The following ZNF423 variants were observed in gnomAD, a reference collection of about 807,000 sequenced individuals.
The protein encoded by ZNF423 is Ebf-associated zinc finger protein.
A neutral mutation model predicts 95.8 loss-of-function variants in ZNF423; 12 were observed. The observed-to-expected ratio is 0.13, with a 90% CI of 0.08 to 0.20. The LOEUF (loss-of-function observed/expected upper bound fraction) is 0.20, where lower values mean the gene tolerates loss of function less well. ZNF423 is among the 10% of genes least tolerant of loss of function. The pLI, the probability that ZNF423 is intolerant of heterozygous loss-of-function variation, is 1.00. For synonymous variants in ZNF423, 749 were observed against 711.9 expected, an observed-to-expected ratio of 1.05 and a Z score of -0.83; for missense variants, 1,316 against 1,737.1, an observed-to-expected ratio of 0.76 and a Z score of 4.31.
chr16:49,499,731 C>G lies in ZNF423; in HGVS notation c.3850-8427G>C, dbSNP rs115824649. ...CAATCAGTTCCATGAGCAGGAAACTCTTCCCTCGCATGAAAACGTGGGAGA... is the reference window on the plus strand; with the variant it reads ...CAATCAGTTCCATGAGCAGGAAACTGTTCCCTCGCATGAAAACGTGGGAGA... On this transcript the variant is annotated intron_variant, in intron 7 of 7. Transcript: ENST00000563137. Among the ~76,000 whole-genome samples, 810 of 152,298 alleles carry G rather than the reference C, an allele frequency of 5.3e-3. 9 individuals are homozygous for G. Among genetic ancestry groups the G allele is most frequent in the African/African-American group, 0.019 (777 of 41,554 alleles).
chr16:49,560,823 G>A (rs914604379), intron 5 of ZNF423, among the ~76,000 whole-genome samples: 1 of 152,222 alleles, frequency 6.6e-6, no homozygotes, highest in African/African-American at 2.4e-5. Context: ...GCTAATGCAA[G>A]GGAAGCCAAG....
At chr16:49,815,769 C>A (rs2034826403) in intron 1 of ZNF423, among the ~76,000 whole-genome samples, 1 of 150,644 alleles carries the variant, frequency 6.6e-6, no homozygotes, top group Non-Finnish European at 1.5e-5. Flanking sequence ...CCTCACTGTA[C>A]AGGAACTTGA....
intron 1 of ZNF423, among the ~76,000 whole-genome samples, chr16:49,813,686 C>T (rs1451159133): frequency 1.3e-5 from 2 of 152,238 alleles, no homozygotes; most frequent in East Asian, 1.9e-4. Context: ...ACTGTTGGCT[C>T]CCCCTTGGCC....
At chr16:49,520,558 G>C (rs1314062631) in intron 7 of ZNF423, among the ~76,000 whole-genome samples, 1 of 152,184 alleles carries the variant, frequency 6.6e-6, no homozygotes, top group Admixed American at 6.5e-5. Flanking sequence ...ATCTTCTCAA[G>C]ACCTCTCAGC....
intron 5 of ZNF423, among the ~76,000 whole-genome samples, chr16:49,548,353 TG>T (rs1468448822): frequency 2.0e-5 from 3 of 152,216 alleles, no homozygotes; most frequent in African/African-American, 7.2e-5. Flanking sequence ...AAACGTTTGC[TG>T]CAATTTGTAT....
chr16:49,721,266 G>A (rs16947890), intron 3 of ZNF423, among the ~76,000 whole-genome samples: 2,330 of 152,280 alleles, frequency 0.015, 64 homozygotes, highest in African/African-American at 0.053. Flanking sequence ...GCAGCCAAAA[G>A]GATCACAGCA....
At chr16:49,723,207 G>A (rs1206344430) in intron 3 of ZNF423, among the ~76,000 whole-genome samples, 7 of 151,980 alleles carry the variant, frequency 4.6e-5, no homozygotes, top group Non-Finnish European at 8.8e-5. Context: ...CGCCTGCCTC[G>A]GCCTCCCAAT....
intron 1 of ZNF423, among the ~76,000 whole-genome samples, chr16:49,813,553 C>T (rs184488731): frequency 6.6e-6 from 1 of 152,312 alleles, no homozygotes; most frequent in Non-Finnish European, 1.5e-5. Flanking sequence ...AGCAGAGCCA[C>T]GCAGGAGACA....
chr16:49,822,102 C>G (rs1434709676), intron 1 of ZNF423, among the ~76,000 whole-genome samples: 1 of 152,120 alleles, frequency 6.6e-6, no homozygotes, highest in African/African-American at 2.4e-5. Context: ...GGCAGGATCT[C>G]CTGATACAGG....
chr16:49,562,860 C>G (rs1044718153), intron 5 of ZNF423, among the ~76,000 whole-genome samples: 2 of 152,056 alleles, frequency 1.3e-5, no homozygotes, highest in Non-Finnish European at 2.9e-5. Flanking sequence ...CTCACTGCAA[C>G]CTCCACCTCC....
chr16:49,759,462 C>T lies in ZNF423; in HGVS notation c.101-28491G>A, dbSNP rs551272845. 1.5e-4 allele frequency among the ~76,000 whole-genome samples: 23 copies of T among 152,248 alleles called. No individual in the cohort carries two copies. The East Asian group carries it at 2.9e-3, about 19-fold the overall frequency. ...AGGTGCAATGCAACCCAAGAGCCAGCGAATGGCTGCAGGGTGACATCTAGC... is the reference window on the plus strand; with the variant it reads ...AGGTGCAATGCAACCCAAGAGCCAGTGAATGGCTGCAGGGTGACATCTAGC... On this transcript the variant is annotated intron_variant, in intron 2 of 7. Transcript: ENST00000563137.
chr16:49,753,000 T>C (rs950974687), intron 2 of ZNF423, among the ~76,000 whole-genome samples: 3 of 152,172 alleles, frequency 2.0e-5, no homozygotes, highest in Admixed American at 1.3e-4. Flanking sequence ...TCCCAGCACT[T>C]TGGGAGGCTG....
chr16:49,840,467 C>T (rs539921050), intron 1 of ZNF423, among the ~76,000 whole-genome samples: 25 of 152,146 alleles, frequency 1.6e-4, no homozygotes, highest in Non-Finnish European at 3.1e-4. Flanking sequence ...GCTTCTTTCT[C>T]GTTACAGGGT....
At chr16:49,552,216 T>A (rs950831062) in intron 5 of ZNF423, among the ~76,000 whole-genome samples, 1 of 152,212 alleles carries the variant, frequency 6.6e-6, no homozygotes, top group Admixed American at 6.5e-5. Flanking sequence ...TTGATGACCC[T>A]TGAACTAGGA....
At chr16:49,647,356 A>G (rs142043982) in intron 3 of ZNF423, among the ~76,000 whole-genome samples, 287 of 152,376 alleles carry the variant, frequency 1.9e-3, no homozygotes, top group African/African-American at 6.7e-3. Flanking sequence ...GCAGAAGCAA[A>G]CCTGGAGATT....
At chr16:49,717,588 T>G (rs2032744877) in intron 3 of ZNF423, among the ~76,000 whole-genome samples, 1 of 152,204 alleles carries the variant, frequency 6.6e-6, no homozygotes, top group African/African-American at 2.4e-5. Context: ...GAAGACTGGG[T>G]CCTTCGCCCT....
chr16:49,685,901 C>G (rs546459457), intron 3 of ZNF423, among the ~76,000 whole-genome samples: 25 of 152,320 alleles, frequency 1.6e-4, no homozygotes, highest in African/African-American at 6.0e-4. Flanking sequence ...ATGCTGCCTA[C>G]CACCAATCCC....
rs1966872429 is a variant in ZNF423 at position 49,488,090 on chromosome 16, T to C, written c.*3185A>G. The C allele has an allele frequency of 6.6e-6, 1 of 152,232 alleles. No individual in the cohort carries two copies. The highest frequency in any genetic ancestry group is 1.5e-5 in the Non-Finnish European group (1 of 68,052). 9.4% of individuals were successfully genotyped at this position (152,232 alleles called of 1,614,324 possible). ...CACCTGGGGGCAGCTCAGTAAATAC[T>C]TGCTGAATGGATGAGTAGAGGAAGG... On this transcript the variant is annotated 3_prime_UTR_variant, in exon 8 of 8. Coordinates refer to ENST00000563137, the MANE Select transcript of ZNF423 (RefSeq NM_001379286.1).
intron 1 of ZNF423, among the ~76,000 whole-genome samples, chr16:49,839,092 C>G (rs1395420283): frequency 6.6e-6 from 1 of 150,868 alleles, no homozygotes; most frequent in Non-Finnish European, 1.5e-5. Flanking sequence ...ACTGCCACCC[C>G]ACCCTGGATT....
Sources: allele counts gnomAD v4.1 joint callset (sites outside exome capture counted in the v4.1 genomes callset), GRCh38; gene constraint gnomAD v4.1.1; transcripts MANE v1.5; gene names NCBI Gene and HGNC (gene_info 2026-07-23, HGNC 2026-07-21).